Variants in TIGD3 observed in about 807,000 individuals in gnomAD.
TIGD3 encodes tigger transposable element-derived protein 3.
A neutral mutation model predicts 14.8 loss-of-function variants in TIGD3; 7 were observed. The ratio of observed to expected loss-of-function variants is 0.47; its 90% confidence interval spans 0.27 to 0.89. The LOEUF (loss-of-function observed/expected upper bound fraction) is 0.89. Ranked by LOEUF, TIGD3 falls within the 40% of genes least tolerant of loss-of-function variation. The pLI is 0.13. For missense variants in TIGD3, 581 were observed against 611.0 expected (o/e 0.95, Z 0.52); for synonymous variants, 243 against 269.4 (o/e 0.90, Z 0.96).
rs572592205 is a variant in TIGD3, at chr11:65,355,866, G to A, written c.58G>A (p.Val20Met). Residue 20 changes from valine to methionine, a missense_variant, in exon 2 of 2, where the codon GTG (valine) becomes ATG (methionine). By Grantham distance (21) the Val-to-Met change is conservative. Coordinates refer to ENST00000309880, the MANE Select transcript of TIGD3 (RefSeq NM_145719.3). ...CCTGTCCCTGGCCGAGAAGATCCAG[G>A]TGCTGGAACTCCTGGATGAGTCCAA... The part of the protein sequence containing the change: ...HALSLAEKIQ[V>M]LELLDESKMS... 20 of 1,613,940 alleles carry A rather than the reference G, an allele frequency of 1.2e-5. No individual in the cohort carries two copies. In the South Asian group the frequency reaches 2.2e-4, roughly 18 times the overall value.
Position 65,356,041 on chromosome 11 carries a change from G to C in TIGD3, c.233G>C (p.Gly78Ala), listed in dbSNP as rs554447515. 1.2e-4 allele frequency: 198 copies of C among 1,612,892 alleles called. No individual in the cohort carries two copies. The highest frequency in any genetic ancestry group is 1.6e-4 in the Non-Finnish European group (188 of 1,180,034). ...CGCAAGCGGGAGTCCAAGTACAGCGGGATCGACGAGGCTCTGCTCTGCTGG... is the reference window on the plus strand; with the variant it reads ...CGCAAGCGGGAGTCCAAGTACAGCGCGATCGACGAGGCTCTGCTCTGCTGG... The part of the protein sequence containing the change: ...RKRKRESKYS[G>A]IDEALLCWYH... The change falls in exon 2 of 2, where the codon GGG becomes GCG. Residue 78 changes from glycine to alanine, a missense_variant. Physicochemically the swap from Gly to Ala is moderately conservative, Grantham distance 60 (BLOSUM62 0). Coordinates refer to ENST00000309880, the MANE Select transcript of TIGD3 (RefSeq NM_145719.3). This position sits in a 1 kb window ranked among gnomAD's most constrained non-coding sequence, Gnocchi z 5.2.
In TIGD3 at chr11:65,356,288, G is replaced by T; in HGVS notation, c.480G>T (p.Leu160=). The T allele has an allele frequency of 6.2e-7, 1 of 1,612,792 alleles. No homozygotes were observed. ...CGGGGCTCACATCCCAGGCTCAGCT[G>T]CCTCTTTCCCTAAAAGACTTCTCTC... is the stretch of plus-strand genomic sequence containing the variant. ...PPPGLTSQAQ[L]PLSLKDFSPE... Residue 160 remains leucine (L), a synonymous_variant, in exon 2 of 2, where the codon CTG becomes CTT. Transcript: ENST00000309880. The surrounding 1 kb of genome is among the most constrained non-coding windows in gnomAD (Gnocchi z 5.2).
chr11:65,354,804 G>GCGCC lies in TIGD3; in HGVS notation c.-157_-154dup, dbSNP rs1045763563. On this transcript the variant is annotated 5_prime_UTR_variant, in exon 1 of 2. Coordinates refer to ENST00000309880, the MANE Select transcript of TIGD3 (RefSeq NM_145719.3). The stretch of plus-strand genomic sequence containing the variant: ...GCGCGCACGGGACTCTGCTGTGCGC[G>GCGCC]CGCCCGCCCGCCCGCCGTCCGCGCA... The GCGCC allele has an allele frequency of 5.3e-5, 8 of 150,520 alleles. No individual in the cohort carries two copies. The highest frequency in any genetic ancestry group is 1.3e-4 in the Admixed American group (2 of 15,106). The allele number at this position is 150,520 out of a possible 1,614,324, so 9.3% of individuals were successfully genotyped here. A position where few individuals can be genotyped will look rare whatever the true frequency, so the allele number is the denominator to read the frequency against.
At chr11:65,355,763 C>T (rs925517931) in intron 1 of TIGD3, 30 bp from the exon 2 acceptor site, 1 of 1,554,086 alleles carries the variant, frequency 6.4e-7, no homozygotes, top group African/African-American at 1.4e-5. Flanking sequence ...TCAGATTACT[C>T]TACCCGCTCA....
At position 65,355,992 on chromosome 11, in the gene TIGD3, G is replaced by A. The variant is rs142471374; in HGVS notation, c.184G>A (p.Gly62Ser). 5.0e-5 allele frequency: 81 copies of A among 1,613,688 alleles called. No individual in the cohort carries two copies. The highest frequency in any genetic ancestry group is 6.7e-5 in the Non-Finnish European group (79 of 1,180,052). Residue 62 changes from glycine to serine, a missense_variant, in exon 2 of 2, where the codon GGC becomes AGC. By Grantham distance (56) the Gly-to-Ser change is moderately conservative. Transcript: ENST00000309880. ...GAAGCTGCTGGCGGACTGGTGCAGC[G>A]GCACAGCCAACCGAGAGCGCAAGCG... ...KEKLLADWCS[G>S]TANRERKRKR...
rs548265053 is a variant in TIGD3 at position 65,357,063 on chromosome 11, G to A, written c.1255G>A (p.Gly419Arg). 9 of 1,613,672 alleles carry A rather than the reference G, an allele frequency of 5.6e-6. No homozygotes were observed. The African/African-American group carries it at 1.1e-4, about 19-fold the overall frequency. Reference sequence around the variant, plus strand: ...GGAGATAGGCACTGAAGACGAGAAGGGGGACAGAGAGGGTGCCTTTGAGCC... The same window carrying A: ...GGAGATAGGCACTGAAGACGAGAAGAGGGACAGAGAGGGTGCCTTTGAGCC... ...KEEIGTEDEKGDREGAFEPLP... is the reference protein window; with the variant it reads ...KEEIGTEDEKRDREGAFEPLP... Residue 419 changes from glycine (G) to arginine (R), a missense_variant, in exon 2 of 2, where the codon GGG (glycine) becomes AGG (arginine). Gly to Arg is a moderately radical substitution (Grantham distance 125, BLOSUM62 -2). Transcript: ENST00000309880.
chr11:65,355,286 T>A (rs1403564445), intron 1 of TIGD3, among the ~76,000 whole-genome samples: 1 of 151,996 alleles, frequency 6.6e-6, no homozygotes, highest in African/African-American at 2.4e-5. Flanking sequence ...GCCTCGCTCC[T>A]TCAGACACCC....
chr11:65,356,764 T>C lies in TIGD3; in HGVS notation c.956T>C (p.Ile319Thr). 2 of 1,612,982 alleles carry C rather than the reference T, an allele frequency of 1.2e-6. No individual in the cohort carries two copies. The highest frequency in any genetic ancestry group is 1.7e-6 in the Non-Finnish European group (2 of 1,179,922). ...CGGCTGTTGGGCAAACTGGCTGCCATCCAAAGCGAGAGGGATGGCACCTCG... is the reference window on the plus strand; with the variant it reads ...CGGCTGTTGGGCAAACTGGCTGCCACCCAAAGCGAGAGGGATGGCACCTCG... ...RHRLLGKLAA[I>T]QSERDGTSLA... The change falls in exon 2 of 2, where the codon ATC (isoleucine) becomes ACC (threonine). Residue 319 changes from isoleucine to threonine, a missense_variant. By Grantham distance (89) the Ile-to-Thr change is moderately conservative (BLOSUM62 -1). Coordinates refer to ENST00000309880, the MANE Select transcript of TIGD3 (RefSeq NM_145719.3). This position sits in a 1 kb window ranked among gnomAD's most constrained non-coding sequence, Gnocchi z 5.2.
intron 1 of TIGD3, among the ~76,000 whole-genome samples, chr11:65,355,566 C>T (rs1302084912): frequency 6.6e-6 from 1 of 151,960 alleles, no homozygotes; most frequent in East Asian, 1.9e-4. Flanking sequence ...GCCCAGACTC[C>T]CCTGTCCTTC....
In TIGD3 at chr11:65,357,609, G is replaced by T. The variant is rs531382809; in HGVS notation, c.*385G>T. ...CTTCTGAAAATAAAGTTTTTAATCA[G>T]AAAAGAGGCCAGGGTGTTATTTTCA... On this transcript the variant is annotated 3_prime_UTR_variant, in exon 2 of 2. Transcript: ENST00000309880. 8.2e-4 allele frequency: 160 copies of T among 195,632 alleles called. No homozygotes were observed. The highest frequency in any genetic ancestry group is 1.5e-3 in the Non-Finnish European group (128 of 84,810). The allele number at this position is 195,632 out of a possible 1,614,324, so 12.1% of individuals were successfully genotyped here.
rs747861292 is a variant in TIGD3, at chr11:65,355,847, C to T, written c.39C>T (p.Ser13=). 83 of 1,613,654 alleles carry T rather than the reference C, an allele frequency of 5.1e-5. No homozygotes were observed. Among genetic ancestry groups the T allele is most frequent in the Non-Finnish European group, 6.4e-5 (76 of 1,179,986 alleles). The change falls in exon 2 of 2, where the codon TCC becomes TCT. Residue 13 remains serine, a synonymous_variant. Coordinates refer to ENST00000309880, the MANE Select transcript of TIGD3 (RefSeq NM_145719.3). The part of the protein sequence containing the change: ...LSSKKKLHAL[S]LAEKIQVLEL... ...GCAAGAAGAAGCTTCACGCCCTGTC[C>T]CTGGCCGAGAAGATCCAGGTGCTGG...
At chr11:65,355,655 C>A in intron 1 of TIGD3, 138 bp from the exon 2 acceptor site, 2 of 746,092 alleles carry the variant, frequency 2.7e-6, no homozygotes, top group African/African-American at 1.8e-5. Context: ...TCGGCCTAGC[C>A]ACTTCCTCTT....
Position 65,356,478 on chromosome 11 carries a change from T to A in TIGD3, c.670T>A (p.Phe224Ile). 1 of 1,607,312 alleles carries A rather than the reference T, an allele frequency of 6.2e-7. No individual in the cohort carries two copies. Among genetic ancestry groups the A allele is most frequent in the Non-Finnish European group, 8.5e-7 (1 of 1,179,938 alleles). The change falls in exon 2 of 2, where the codon TTT (phenylalanine) becomes ATT (isoleucine). Residue 224 changes from phenylalanine (F) to isoleucine (I), a missense_variant. Coordinates refer to ENST00000309880, the MANE Select transcript of TIGD3 (RefSeq NM_145719.3). This position sits in a 1 kb window ranked among gnomAD's most constrained non-coding sequence, Gnocchi z 5.2. ...GCTCCAGGCTGCCCCGAGATGCTTC[T>A]TTGGGATCCGCAGTGAGGCTCTGCC... is the stretch of plus-strand genomic sequence containing the variant. ...GGLQAAPRCF[F>I]GIRSEALPAS... is the part of the protein sequence containing the mutation.
Position 65,357,045 on chromosome 11 carries a change from G to A in TIGD3, c.1237G>A (p.Gly413Ser). 3 of 1,613,766 alleles carry A rather than the reference G, an allele frequency of 1.9e-6. No individual in the cohort carries two copies. The highest frequency in any genetic ancestry group is 2.2e-5 in the East Asian group (1 of 44,874). ...GTCTGGAGTATGTAAGGAGGAGATA[G>A]GCACTGAAGACGAGAAGGGGGACAG... Reference protein sequence around the residue: ...PRSGVCKEEIGTEDEKGDREG... With the variant: ...PRSGVCKEEISTEDEKGDREG... Residue 413 changes from glycine to serine, a missense_variant, in exon 2 of 2, where the codon GGC (glycine) becomes AGC (serine). Coordinates refer to ENST00000309880, the MANE Select transcript of TIGD3 (RefSeq NM_145719.3).
rs1385988724 is a variant in TIGD3, at chr11:65,356,713, G to A, written c.905G>A (p.Arg302Gln). The change falls in exon 2 of 2, where the codon CGG becomes CAG. Residue 302 changes from arginine to glutamine, a missense_variant. By Grantham distance (43) the Arg-to-Gln change is conservative. Transcript: ENST00000309880. The surrounding 1 kb of genome is among the most constrained non-coding windows in gnomAD (Gnocchi z 5.2). The stretch of plus-strand genomic sequence containing the variant: ...CCTCCCCTGCCCAGCTCAGTGGTCC[G>A]GGCCTTTAAGGCCCATTACCGACAC... ...TTPPLPSSVV[R>Q]AFKAHYRHRL... The A allele has an allele frequency of 5.0e-6, 8 of 1,613,250 alleles. No individual in the cohort carries two copies. Among genetic ancestry groups the A allele is most frequent in the South Asian group, 1.1e-5 (1 of 91,084 alleles).
chr11:65,356,372 CT>C lies in TIGD3; in HGVS notation c.567del (p.Phe189LeufsTer56). 6.2e-7 allele frequency: 1 copy of C among 1,611,382 alleles called. No homozygotes were observed. ...TGCTGTATCGGGCAGTGCCCGGCAG[CT>C]TTGGTGCATGTGATCAAGTACAGGT... ...PLLYRAVPGS[F>X]GACDQVQVLL... is the part of the protein sequence containing the mutation. On this transcript the variant is annotated frameshift_variant, in exon 2 of 2. Transcript: ENST00000309880. LOFTEE classifies it high-confidence loss of function. This position sits in a 1 kb window ranked among gnomAD's most constrained non-coding sequence, Gnocchi z 5.2.
rs612392 is a variant in TIGD3 at position 65,355,775 on chromosome 11, T to G, written c.-16-18T>G. On this transcript the variant is annotated intron_variant, in intron 1 of 1. Coordinates refer to ENST00000309880, the MANE Select transcript of TIGD3 (RefSeq NM_145719.3). ...GCCTCAGATTACTCTACCCGCTCAA[T>G]CTTTCCTCCCCGCACAGGTGCCCCG... is the stretch of plus-strand genomic sequence containing the variant. The G allele has an allele frequency of 0.1, 160,854 of 1,574,024 alleles. 8,908 individuals are homozygous for G. Among genetic ancestry groups the G allele is most frequent in the South Asian group, 0.15 (13,269 of 86,970 alleles).
chr11:65,355,946 G>A lies in TIGD3; in HGVS notation c.138G>A (p.Ser46=). ...TCCAGGTTTCCCAGCCCCAGATCTCGCGCATCTGCAAGAATAAGGAGAAGC... is the reference window on the plus strand; with the variant it reads ...TCCAGGTTTCCCAGCCCCAGATCTCACGCATCTGCAAGAATAAGGAGAAGC... The part of the protein sequence containing the change: ...RRFQVSQPQI[S]RICKNKEKLL... Residue 46 remains serine, a synonymous_variant, in exon 2 of 2, where the codon TCG becomes TCA. Coordinates refer to ENST00000309880, the MANE Select transcript of TIGD3 (RefSeq NM_145719.3). 6.2e-7 allele frequency: 1 copy of A among 1,613,854 alleles called. No homozygotes were observed. The highest frequency in any genetic ancestry group is 8.5e-7 in the Non-Finnish European group (1 of 1,180,024).
chr11:65,355,521 T>C (rs1439402225), intron 1 of TIGD3, among the ~76,000 whole-genome samples: 1 of 141,722 alleles, frequency 7.1e-6, no homozygotes, highest in Non-Finnish European at 1.5e-5. Context: ...TCCCCTGCAC[T>C]TTTCATCCTT....
Sources: gnomAD v4.1 joint callset for allele counts (sites outside exome capture counted in the v4.1 genomes callset) on GRCh38, gnomAD v4.1.1 for gene constraint, Gnocchi (gnomAD v3.1) non-coding constraint, MANE v1.5 for transcripts, NCBI Gene and HGNC (gene_info 2026-07-23, HGNC 2026-07-21) for gene names.